The following GRB14 variants were observed in gnomAD, a reference collection of about 807,000 sequenced individuals.
GRB14 encodes growth factor receptor-bound protein 14.
GRB14 carries 38 observed loss-of-function variants against 69.1 expected under a neutral mutation model. The ratio of observed to expected loss-of-function variants is 0.55; its 90% CI spans 0.42 to 0.72. The LOEUF is 0.72. Among genes scored for constraint, GRB14 ranks in the 30% least tolerant of loss-of-function variants. GRB14 has a pLI of 0.00. For missense variants in GRB14, 666 were observed against 666.1 expected (o/e 1.00, Z 0.00); for synonymous variants, 247 against 241.3 (o/e 1.02, Z -0.22).
chr2:164,507,764 T>TTATAAGC (rs1687231101), intron 8 of GRB14, among the ~76,000 whole-genome samples: 1 of 152,198 alleles, frequency 6.6e-6, no homozygotes, highest in African/African-American at 2.4e-5. Context: ...AGTTGATAAG[T>TTATAAGC]ATACAGTTTA....
At chr2:164,610,508 T>C (rs530795406) in intron 2 of GRB14, among the ~76,000 whole-genome samples, 1 of 152,216 alleles carries the variant, frequency 6.6e-6, no homozygotes, top group South Asian at 2.1e-4. Context: ...GATTCAATTT[T>C]ATTTTTGCAT....
At chr2:164,558,976 T>G (rs929984131) in intron 2 of GRB14, among the ~76,000 whole-genome samples, 4 of 152,122 alleles carry the variant, frequency 2.6e-5, no homozygotes, top group Admixed American at 6.6e-5. Context: ...TAAAAGCACA[T>G]TTTTTTCACA....
At chr2:164,499,923 A>G (rs924653849) in intron 9 of GRB14, among the ~76,000 whole-genome samples, 1 of 152,130 alleles carries the variant, frequency 6.6e-6, no homozygotes, top group Non-Finnish European at 1.5e-5. Context: ...AGATTATACA[A>G]CCATCACCCT....
At chr2:164,521,882 G>T in intron 6 of GRB14, 98 bp downstream of exon 6, 1 of 1,101,974 alleles carries the variant, frequency 9.1e-7, no homozygotes, top group Non-Finnish European at 1.3e-6. Context: ...ACCAACCTTT[G>T]ACATCAAGTA....
intron 2 of GRB14, chr2:164,573,782 C>T: frequency 6.2e-7 from 1 of 1,612,186 alleles, no homozygotes; most frequent in Non-Finnish European, 8.5e-7. Flanking sequence ...TCGCATCCAC[C>T]AGTGTATCAG....
intron 2 of GRB14, among the ~76,000 whole-genome samples, chr2:164,573,516 T>C (rs902701648): frequency 2.6e-5 from 4 of 152,178 alleles, no homozygotes; most frequent in African/African-American, 9.6e-5. Flanking sequence ...AGAAAATTCT[T>C]TTTTTTAAAT....
rs1690393397 is a variant in GRB14, at chr2:164,619,554, T to C, written c.324+133A>G. 4 of 612,514 alleles carry C rather than the reference T, an allele frequency of 6.5e-6. No individual in the cohort carries two copies. In the South Asian group the frequency reaches 7.0e-5, roughly 11 times the overall value. The allele number at this position is 612,514 out of a possible 1,614,324, so 37.9% of individuals were successfully genotyped here. A position where few individuals can be genotyped will look rare whatever the true frequency, so the allele number is the denominator to read the frequency against. ...AATGGAAAATAATGCCAAAGGACCA[T>C]GTCAGTCAACAGAGTTATTTAACAG... On this transcript the variant is annotated intron_variant, in intron 2 of 13. Transcript: ENST00000263915.
chr2:164,494,401 T>C (rs115094739), intron 13 of GRB14, 30 bp downstream of exon 13: 29,809 of 1,154,154 alleles, frequency 0.026, 465 homozygotes, highest in African/African-American at 0.03. Flanking sequence ...TCATTTCTAA[T>C]ACACAAATGT....
At chr2:164,585,085 CTTTTTTTTTTTTTTTTTTTTT>C (rs146962375) in intron 2 of GRB14, among the ~76,000 whole-genome samples, 653 of 54,332 alleles carry the variant, frequency 0.012, 11 homozygotes, top group African/African-American at 0.039. Flanking sequence ...CCATGCCTGG[CTTTTTTTTTTTTTTTTTTTTT>C]TTTTTTTTTT....
Position 164,508,440 on chromosome 2 carries a change from C to T in GRB14, c.1023+15G>A, listed in dbSNP as rs776757713. On this transcript the variant is annotated intron_variant, in intron 8 of 13. Coordinates refer to ENST00000263915, the MANE Select transcript of GRB14 (RefSeq NM_004490.3). ...CACAGCAGTTAATAGAAATTCATGC[C>T]TCCGGCGAGATTACCTTAAGCAATC... The T allele has an allele frequency of 1.2e-6, 2 of 1,606,206 alleles. No individual in the cohort carries two copies. The highest frequency in any genetic ancestry group is 2.2e-5 in the South Asian group (2 of 90,906).
intron 5 of GRB14, 122 bp downstream of exon 5, chr2:164,524,882 C>CA (rs1417078472): frequency 1.2e-5 from 7 of 567,714 alleles, no homozygotes; most frequent in African/African-American, 2.0e-5. Flanking sequence ...TTACCTCCAG[C>CA]AAAAAATATT....
chr2:164,619,715 A>G lies in GRB14; in HGVS notation c.296T>C (p.Phe99Ser), dbSNP rs576087396. The change falls in exon 2 of 14, where the codon TTT becomes TCT. Residue 99 changes from phenylalanine (F) to serine (S), a missense_variant. Phe to Ser is a radical substitution (Grantham distance 155). Transcript: ENST00000263915. ...PFTSVLSADL[F>S]PKANSRKKQV... The stretch of plus-strand genomic sequence containing the variant: ...TTTTTTCCTTGAATTTGCTTTGGGA[A>G]ATAGGTCTGCTGACAACACAGATGT... The G allele has an allele frequency of 5.0e-6, 8 of 1,584,332 alleles. No individual in the cohort carries two copies. In the South Asian group the frequency reaches 8.2e-5, roughly 16 times the overall value.
intron 2 of GRB14, among the ~76,000 whole-genome samples, chr2:164,554,327 A>T (rs1385381371): frequency 6.6e-6 from 1 of 152,214 alleles, no homozygotes; most frequent in African/African-American, 2.4e-5. Context: ...GCCCAAATTC[A>T]TAGCTTGCTT....
intron 6 of GRB14, among the ~76,000 whole-genome samples, chr2:164,514,825 GC>G (rs2105274364): frequency 6.6e-6 from 1 of 152,276 alleles, no homozygotes; most frequent in South Asian, 2.1e-4. Context: ...CAAGTTCTCA[GC>G]CCTGTTCACC....
intron 2 of GRB14, among the ~76,000 whole-genome samples, chr2:164,598,898 A>G (rs1473506193): frequency 6.6e-6 from 1 of 152,182 alleles, no homozygotes; most frequent in Non-Finnish European, 1.5e-5. Context: ...ATCTCTTATT[A>G]TCACACTAAC....
At chr2:164,617,970 G>T (rs1038689120) in intron 2 of GRB14, among the ~76,000 whole-genome samples, 1 of 134,164 alleles carries the variant, frequency 7.5e-6, no homozygotes, top group South Asian at 2.9e-4. Context: ...GGGGGGGGGG[G>T]GGTAGTGTCA....
rs548165691 is a variant in GRB14, at chr2:164,610,486, G to A, written c.324+9201C>T. ...GATACGTACTTTTAAAATCCACTTA[G>A]TCCAGGATCTAGATTCAATTTTATT... is the stretch of plus-strand genomic sequence containing the variant. On this transcript the variant is annotated intron_variant, in intron 2 of 13. Transcript: ENST00000263915. Among the ~76,000 whole-genome samples, 89 of 152,008 alleles carry A rather than the reference G, an allele frequency of 5.9e-4. No individual in the cohort carries two copies. In the East Asian group the frequency reaches 0.012, roughly 20 times the overall value.
chr2:164,511,742 G>C (rs1687343522), intron 6 of GRB14, among the ~76,000 whole-genome samples: 1 of 152,038 alleles, frequency 6.6e-6, no homozygotes, highest in African/African-American at 2.4e-5. Context: ...AAAAACAGAG[G>C]GAAAAGTAAA....
chr2:164,613,347 C>G (rs1272276317), intron 2 of GRB14, among the ~76,000 whole-genome samples: 2 of 152,032 alleles, frequency 1.3e-5, no homozygotes, highest in African/African-American at 4.8e-5. Flanking sequence ...AAACCTGTAC[C>G]TCTTTCTCAC....
Sources: allele counts gnomAD v4.1 joint callset (sites outside exome capture counted in the v4.1 genomes callset), GRCh38; gene constraint gnomAD v4.1.1; transcripts MANE v1.5; gene names NCBI Gene and HGNC (gene_info 2026-07-23, HGNC 2026-07-21).